Variants in NKAIN2 observed in about 807,000 individuals in gnomAD.
NKAIN2 encodes the protein sodium/potassium transporting ATPase interacting 2.
Under a neutral mutation model 32.6 loss-of-function variants are expected in NKAIN2, and 14 were observed. The ratio of observed to expected loss-of-function variants is 0.43; its 90% CI spans 0.28 to 0.67. The LOEUF (loss-of-function observed/expected upper bound fraction) is 0.67, where lower values mean the gene tolerates loss of function less well. Among genes scored for constraint, NKAIN2 ranks in the 30% least tolerant of loss-of-function variants. The probability of loss-of-function intolerance (pLI) is 0.17; values close to 1 mark genes in which losing one functional copy is unlikely to be tolerated. For synonymous variants in NKAIN2, 80 were observed against 87.2 expected (o/e 0.92, Z 0.46); for missense variants, 198 against 258.3 (o/e 0.77, Z 1.60).
chr6:124,374,910 G>A (rs1375131125), intron 3 of NKAIN2, among the ~76,000 whole-genome samples: 1 of 152,028 alleles, frequency 6.6e-6, no homozygotes, highest in Non-Finnish European at 1.5e-5. Flanking sequence ...ACAATGGCAT[G>A]CAAGACACTG....
At chr6:124,197,163 T>G (rs527256434) in intron 1 of NKAIN2, among the ~76,000 whole-genome samples, 1 of 152,120 alleles carries the variant, frequency 6.6e-6, no homozygotes, top group Admixed American at 6.5e-5. Context: ...TTGTCTGCTA[T>G]TTCCATCTTT....
At chr6:124,523,314 G>A (rs1383947932) in intron 3 of NKAIN2, among the ~76,000 whole-genome samples, 2 of 151,438 alleles carry the variant, frequency 1.3e-5, no homozygotes, top group Non-Finnish European at 2.9e-5. Flanking sequence ...CTTCCATATT[G>A]TCTGGTATAC....
In NKAIN2 at chr6:124,229,642, G is replaced by A. The variant is rs149166632; in HGVS notation, c.55-53363G>A. ...TCCCATATGTTGTGGCAGGGACCTG[G>A]TGGGAGATAATTGAACCATGGAAGT... On this transcript the variant is annotated intron_variant, in intron 1 of 6. Coordinates refer to ENST00000368417, the MANE Select transcript of NKAIN2 (RefSeq NM_001040214.3). 3.3e-3 allele frequency among the ~76,000 whole-genome samples: 497 copies of A among 152,238 alleles called. 1 individual carries two copies. The highest frequency in any genetic ancestry group is 0.014 in the Middle Eastern group (4 of 294).
intron 1 of NKAIN2, among the ~76,000 whole-genome samples, chr6:124,133,861 A>T (rs1053105147): frequency 2.0e-4 from 31 of 151,824 alleles, no homozygotes; most frequent in Non-Finnish European, 4.4e-5. Context: ...AGAAATTTAA[A>T]TTAAAAAAAA....
At chr6:123,998,940 T>G (rs549844541) in intron 1 of NKAIN2, among the ~76,000 whole-genome samples, 6 of 151,922 alleles carry the variant, frequency 3.9e-5, no homozygotes, top group Admixed American at 1.3e-4. Flanking sequence ...TTGACACTGT[T>G]TTCATTATTG....
At chr6:124,117,463 A>G (rs976028162) in intron 1 of NKAIN2, among the ~76,000 whole-genome samples, 5 of 152,140 alleles carry the variant, frequency 3.3e-5, no homozygotes, top group African/African-American at 1.2e-4. Context: ...CTCTGTTGTA[A>G]TTTTAGTTGC....
At chr6:124,425,367 T>C (rs1236689665) in intron 3 of NKAIN2, among the ~76,000 whole-genome samples, 1 of 152,064 alleles carries the variant, frequency 6.6e-6, no homozygotes, top group African/African-American at 2.4e-5. Context: ...TTAACACTCC[T>C]AGAAGAAAAT....
chr6:124,139,236 C>T (rs926530708), intron 1 of NKAIN2, among the ~76,000 whole-genome samples: 7 of 149,426 alleles, frequency 4.7e-5, no homozygotes, highest in African/African-American at 1.2e-4. Context: ...CTACAGGCGC[C>T]CGCCACCGCG....
intron 4 of NKAIN2, among the ~76,000 whole-genome samples, chr6:124,763,533 T>A (rs1355545309): frequency 6.6e-6 from 1 of 152,188 alleles, no homozygotes; most frequent in African/African-American, 2.4e-5. Context: ...GGGGGCAATC[T>A]GCCCCCATAA....
At chr6:124,089,154 T>A (rs1297863983) in intron 1 of NKAIN2, among the ~76,000 whole-genome samples, 1 of 151,976 alleles carries the variant, frequency 6.6e-6, no homozygotes, top group Non-Finnish European at 1.5e-5. Flanking sequence ...CAGAGTATAT[T>A]CCGTATATAA....
At chr6:124,243,995 A>G (rs971882763) in intron 1 of NKAIN2, among the ~76,000 whole-genome samples, 4 of 152,102 alleles carry the variant, frequency 2.6e-5, no homozygotes, top group African/African-American at 9.6e-5. Context: ...CTATGGAGGC[A>G]TTCACATCAG....
At chr6:123,869,815 A>G (rs1350496540) in intron 1 of NKAIN2, among the ~76,000 whole-genome samples, 2 of 152,220 alleles carry the variant, frequency 1.3e-5, no homozygotes, top group Non-Finnish European at 2.9e-5. Flanking sequence ...TTTAAAGGAT[A>G]GCCCTGGAGA....
chr6:124,730,557 A>G (rs1776612148), intron 4 of NKAIN2, among the ~76,000 whole-genome samples: 1 of 136,672 alleles, frequency 7.3e-6, no homozygotes, highest in Non-Finnish European at 1.6e-5. Flanking sequence ...ACAAAAATCA[A>G]TTCAAGATGG....
chr6:123,822,219 C>T (rs1487359524), intron 1 of NKAIN2, among the ~76,000 whole-genome samples: 1 of 152,108 alleles, frequency 6.6e-6, no homozygotes, highest in Non-Finnish European at 1.5e-5. Context: ...AAAAAAAACT[C>T]CTAGTGTTCT....
intron 1 of NKAIN2, among the ~76,000 whole-genome samples, chr6:123,903,901 T>C: frequency 6.7e-6 from 1 of 148,930 alleles, no homozygotes; most frequent in East Asian, 1.9e-4. Flanking sequence ...TCTTCCAGTC[T>C]ATTATACGCA....
At chr6:124,148,460 A>T (rs1369523534) in intron 1 of NKAIN2, among the ~76,000 whole-genome samples, 1 of 151,832 alleles carries the variant, frequency 6.6e-6, no homozygotes, top group Non-Finnish European at 1.5e-5. Context: ...GTCTCTTTAC[A>T]TTTGCCTATC....
At chr6:124,340,246 T>A (rs896803554) in intron 2 of NKAIN2, among the ~76,000 whole-genome samples, 1 of 152,212 alleles carries the variant, frequency 6.6e-6, no homozygotes, top group East Asian at 1.9e-4. Flanking sequence ...GATTATTTTC[T>A]TATTATTCAT....
At chr6:124,207,260 C>G (rs1476805116) in intron 1 of NKAIN2, among the ~76,000 whole-genome samples, 1 of 151,112 alleles carries the variant, frequency 6.6e-6, no homozygotes, top group African/African-American at 2.4e-5. Context: ...CCACTGTACT[C>G]CAGCCTGGGC....
At chr6:123,884,632 A>G (rs1288127580) in intron 1 of NKAIN2, among the ~76,000 whole-genome samples, 1 of 152,158 alleles carries the variant, frequency 6.6e-6, no homozygotes, top group Non-Finnish European at 1.5e-5. Context: ...TATGATTTCT[A>G]CATTTTTGTA....
Sources: allele counts gnomAD v4.1 joint callset (sites outside exome capture counted in the v4.1 genomes callset), GRCh38; gene constraint gnomAD v4.1.1; transcripts MANE v1.5; gene names NCBI Gene and HGNC (gene_info 2026-07-23, HGNC 2026-07-21).